The following DPYD variants were observed in gnomAD, a reference collection of about 807,000 sequenced individuals.
The protein encoded by DPYD is dihydropyrimidine dehydrogenase [NADP(+)].
A neutral mutation model predicts 116.2 loss-of-function variants in DPYD; 109 were observed. The ratio of observed to expected loss-of-function variants is 0.94; its 90% confidence interval spans 0.80 to 1.10. DPYD has a LOEUF of 1.10. Among genes scored for constraint, DPYD ranks in the 50% least tolerant of loss-of-function variants. The pLI, the probability that DPYD is intolerant of heterozygous loss-of-function variation, is 0.00. For missense variants in DPYD, 1,302 were observed against 1,254.5 expected (o/e 1.04, Z -0.57); for synonymous variants, 440 against 432.0 (o/e 1.02, Z -0.23).
chr1:97,497,798 T>C (rs188833155), intron 13 of DPYD, among the ~76,000 whole-genome samples: 10 of 151,838 alleles, frequency 6.6e-5, no homozygotes, highest in Admixed American at 5.9e-4. Flanking sequence ...AAAATAGAGT[T>C]ACCATATTAC....
chr1:97,469,739 G>C (rs1478662553), intron 13 of DPYD, among the ~76,000 whole-genome samples: 2 of 152,108 alleles, frequency 1.3e-5, no homozygotes, highest in Non-Finnish European at 2.9e-5. Context: ...TTTTGTAATG[G>C]AAGTAATTTC....
At chr1:97,292,159 T>G (rs143684951) in intron 18 of DPYD, among the ~76,000 whole-genome samples, 1 of 152,270 alleles carries the variant, frequency 6.6e-6, no homozygotes, top group East Asian at 1.9e-4. Context: ...ATCTGTGTAT[T>G]TGAAAAGCTC....
intron 1 of DPYD, among the ~76,000 whole-genome samples, chr1:97,903,439 T>C (rs1274304581): frequency 1.3e-5 from 2 of 151,908 alleles, no homozygotes; most frequent in African/African-American, 4.8e-5. Flanking sequence ...TATGGATCAG[T>C]TCTGTCTATC....
intron 15 of DPYD, among the ~76,000 whole-genome samples, chr1:97,376,606 C>A (rs559025314): frequency 1.3e-3 from 204 of 152,120 alleles, no homozygotes; most frequent in African/African-American, 4.8e-3. Context: ...ATTCCATTTC[C>A]AAGCAACTCT....
intron 7 of DPYD, among the ~76,000 whole-genome samples, chr1:97,690,625 T>C (rs1432874889): frequency 6.6e-6 from 1 of 152,030 alleles, no homozygotes; most frequent in Non-Finnish European, 1.5e-5. Context: ...CATTTCCATA[T>C]TTGATGAGAT....
chr1:97,594,839 T>A (rs1654765472), intron 9 of DPYD, among the ~76,000 whole-genome samples: 1 of 152,106 alleles, frequency 6.6e-6, no homozygotes, highest in South Asian at 2.1e-4. Context: ...TATATTACAG[T>A]GAAAATTCCT....
chr1:97,113,124 T>C (rs1651722511), intron 20 of DPYD, among the ~76,000 whole-genome samples: 1 of 152,176 alleles, frequency 6.6e-6, no homozygotes, highest in South Asian at 2.1e-4. Context: ...TAATTAAATA[T>C]GTGTGTGCCT....
chr1:97,414,566 T>A (rs941354981), intron 14 of DPYD, among the ~76,000 whole-genome samples: 1 of 152,252 alleles, frequency 6.6e-6, no homozygotes, highest in Non-Finnish European at 1.5e-5. Flanking sequence ...GGTTTTTAAC[T>A]ATAAATGTAG....
At chr1:97,488,646 C>T (rs1186364539) in intron 13 of DPYD, among the ~76,000 whole-genome samples, 1 of 152,030 alleles carries the variant, frequency 6.6e-6, no homozygotes, top group Admixed American at 6.6e-5. Flanking sequence ...GACACCAGAC[C>T]CAATTGAGAC....
rs12059341 is a variant in DPYD at position 97,283,582 on chromosome 1, G to A, written c.2299+21677C>T. Among the ~76,000 whole-genome samples the A allele has an allele frequency of 8.5e-3, 1,285 of 152,020 alleles. 25 individuals are homozygous for A. Among genetic ancestry groups the A allele is most frequent in the African/African-American group, 0.03 (1,226 of 41,468 alleles). Reference sequence around the variant, plus strand: ...TATTCATTTCTAATTTGAACTAAATGCCATATTATGAGTCTTTTATTATAA... The same window carrying A: ...TATTCATTTCTAATTTGAACTAAATACCATATTATGAGTCTTTTATTATAA... On this transcript the variant is annotated intron_variant, in intron 18 of 22. Transcript: ENST00000370192.
At chr1:97,417,377 G>A (rs4497250) in intron 14 of DPYD, among the ~76,000 whole-genome samples, 29,884 of 152,008 alleles carry the variant, frequency 0.2, 3,158 homozygotes, top group East Asian at 0.38. Context: ...AAACTTAAAA[G>A]CACTCAACCA....
At chr1:97,256,467 A>G (rs918505725) in intron 18 of DPYD, among the ~76,000 whole-genome samples, 10 of 152,044 alleles carry the variant, frequency 6.6e-5, no homozygotes, top group African/African-American at 2.2e-4. Flanking sequence ...TTCTCATGAT[A>G]ATGAATAAGT....
At chr1:97,767,481 ACT>A (rs1312824700) in intron 3 of DPYD, among the ~76,000 whole-genome samples, 3 of 66,514 alleles carry the variant, frequency 4.5e-5, no homozygotes, top group South Asian at 1.3e-3. Flanking sequence ...GCCTCAAGAA[ACT>A]CTGCATGTTC....
chr1:97,598,724 GC>G (rs1655051345), intron 8 of DPYD, among the ~76,000 whole-genome samples: 1 of 152,050 alleles, frequency 6.6e-6, no homozygotes, highest in East Asian at 1.9e-4. Flanking sequence ...TAAATGCCTG[GC>G]CCCCAGGTGA....
intron 18 of DPYD, among the ~76,000 whole-genome samples, chr1:97,283,232 ATC>A (rs928251402): frequency 6.6e-6 from 1 of 152,138 alleles, no homozygotes; most frequent in Non-Finnish European, 1.5e-5. Context: ...TTAATAAAAC[ATC>A]TTTTGTTTCC....
At chr1:97,201,127 T>C (rs1045523584) in intron 19 of DPYD, among the ~76,000 whole-genome samples, 3 of 152,200 alleles carry the variant, frequency 2.0e-5, no homozygotes, top group Non-Finnish European at 4.4e-5. Flanking sequence ...AACAAGCATA[T>C]ATGTATAATT....
chr1:97,434,220 T>C (rs1325208090), intron 14 of DPYD, among the ~76,000 whole-genome samples: 1 of 152,098 alleles, frequency 6.6e-6, no homozygotes, highest in Admixed American at 6.6e-5. Flanking sequence ...AAAATTTCCT[T>C]TTGGCTGATC....
At chr1:97,229,061 G>A (rs372174103) in intron 19 of DPYD, among the ~76,000 whole-genome samples, 16 of 151,728 alleles carry the variant, frequency 1.1e-4, no homozygotes, top group African/African-American at 2.9e-4. Flanking sequence ...AAAATTAGCC[G>A]GGCATGGTGG....
At chr1:97,584,954 A>ATAATAATAC (rs1653986895) in intron 10 of DPYD, among the ~76,000 whole-genome samples, 2 of 149,456 alleles carry the variant, frequency 1.3e-5, no homozygotes, top group Admixed American at 1.3e-4. Context: ...TATAATAATA[A>ATAATAATAC]TAATAATAAT....
Sources: gnomAD v4.1 joint callset for allele counts (sites outside exome capture counted in the v4.1 genomes callset) on GRCh38, gnomAD v4.1.1 for gene constraint, MANE v1.5 for transcripts, NCBI Gene and HGNC (gene_info 2026-07-23, HGNC 2026-07-21) for gene names.